Variants in ADK observed in about 807,000 individuals in gnomAD.
ADK encodes N6,N6-dimethyladenosine kinase.
ADK carries 24 observed loss-of-function variants against 44.7 expected under a neutral mutation model. The ratio of observed to expected loss-of-function variants is 0.54; its 90% CI spans 0.39 to 0.76. The LOEUF is 0.76. Among genes scored for constraint, ADK ranks in the 30% least tolerant of loss-of-function variants. The pLI, the probability that ADK is intolerant of heterozygous loss-of-function variation, is 0.00. For synonymous variants in ADK, 128 were observed against 142.6 expected (o/e 0.90, Z 0.73); for missense variants, 321 against 425.1 (o/e 0.76, Z 2.15).
At chr10:74,667,207 T>G (rs901590549) in intron 9 of ADK, among the ~76,000 whole-genome samples, 31 of 152,124 alleles carry the variant, frequency 2.0e-4, no homozygotes, top group African/African-American at 6.3e-4. Flanking sequence ...TAATAAAACA[T>G]AAATATTATT....
chr10:74,267,857 G>A (rs910915458), intron 3 of ADK, among the ~76,000 whole-genome samples: 3 of 150,024 alleles, frequency 2.0e-5, no homozygotes, highest in African/African-American at 7.4e-5. Flanking sequence ...GGCCTCTTTG[G>A]CTTGTTTGGG....
intron 7 of ADK, among the ~76,000 whole-genome samples, 197 bp downstream of exon 7, chr10:74,525,623 C>G (rs190377110): frequency 2.6e-5 from 4 of 152,006 alleles, no homozygotes; most frequent in African/African-American, 9.7e-5. Context: ...ATACTAACTT[C>G]TTTCTTAGTG....
chr10:74,246,411 G>A (rs1374811575), intron 3 of ADK, among the ~76,000 whole-genome samples: 1 of 152,204 alleles, frequency 6.6e-6, no homozygotes, highest in African/African-American at 2.4e-5. Flanking sequence ...TAGAGTGTGT[G>A]TTCTAATGAG....
At chr10:74,432,146 G>T (rs540530922) in intron 6 of ADK, among the ~76,000 whole-genome samples, 1 of 150,990 alleles carries the variant, frequency 6.6e-6, no homozygotes, top group South Asian at 2.1e-4. Context: ...GTGATCCATG[G>T]TTGCACCACT....
intron 4 of ADK, among the ~76,000 whole-genome samples, chr10:74,331,814 A>G (rs1841227855): frequency 6.6e-6 from 1 of 151,816 alleles, no homozygotes; most frequent in South Asian, 2.1e-4. Context: ...ACTTCATATC[A>G]TTTGCTGTAG....
chr10:74,221,758 C>T (rs895143165), intron 2 of ADK, among the ~76,000 whole-genome samples: 1 of 144,986 alleles, frequency 6.9e-6, no homozygotes. Context: ...CTGAGAAAAA[C>T]AAGCAATGGG....
At position 74,274,732 on chromosome 10, in the gene ADK, G is replaced by GTA. The variant is rs754929114; in HGVS notation, c.195-39920_195-39919dup. Among the ~76,000 whole-genome samples, 420 of 84,180 alleles carry GTA rather than the reference G, an allele frequency of 5.0e-3. 25 individuals carry two copies. Among genetic ancestry groups the GTA allele is most frequent in the South Asian group, 0.02 (61 of 3,026 alleles). 55.2% of individuals were successfully genotyped at this position (84,180 alleles called of 152,430 possible). A position where few individuals can be genotyped will look rare whatever the true frequency, so the allele number is the denominator to read the frequency against. ...TAGTAGGAGAAAAATTTTAATGTGT[G>GTA]TATATATATATATATACACACACAC... On this transcript the variant is annotated intron_variant, in intron 3 of 10. Coordinates refer to ENST00000539909, the MANE Select transcript of ADK (RefSeq NM_006721.4).
intron 9 of ADK, among the ~76,000 whole-genome samples, chr10:74,666,868 T>C: frequency 6.6e-6 from 1 of 150,842 alleles, no homozygotes; most frequent in Non-Finnish European, 1.5e-5. Flanking sequence ...AGTCTCACTG[T>C]TGCCCAGGCT....
intron 6 of ADK, among the ~76,000 whole-genome samples, chr10:74,468,172 G>T (rs1846428320): frequency 6.6e-6 from 1 of 152,184 alleles, no homozygotes; most frequent in Non-Finnish European, 1.5e-5. Flanking sequence ...TAGGAAGGTA[G>T]ATAGATGTAT....
intron 6 of ADK, among the ~76,000 whole-genome samples, chr10:74,505,836 T>C (rs920810807): frequency 6.6e-6 from 1 of 152,176 alleles, no homozygotes; most frequent in Non-Finnish European, 1.5e-5. Context: ...ATTAGAGATA[T>C]TGTGTTTGAT....
chr10:74,240,014 C>CTT (rs11285474), intron 3 of ADK, among the ~76,000 whole-genome samples: 3 of 145,256 alleles, frequency 2.1e-5, no homozygotes, highest in African/African-American at 5.0e-5. Flanking sequence ...CTTTGCACAG[C>CTT]TTTTTTTTTT....
intron 7 of ADK, among the ~76,000 whole-genome samples, chr10:74,555,770 G>C (rs978328074): frequency 1.3e-5 from 2 of 152,118 alleles, no homozygotes; most frequent in Non-Finnish European, 2.9e-5. Context: ...CAGTTGCTCT[G>C]GACAGAAAGC....
intron 4 of ADK, among the ~76,000 whole-genome samples, chr10:74,382,314 G>A (rs1348869874): frequency 6.6e-6 from 1 of 152,074 alleles, no homozygotes; most frequent in Non-Finnish European, 1.5e-5. Context: ...GCCTAGGCTG[G>A]TCTCGAACTT....
In ADK at chr10:74,334,542, T is replaced by C. The variant is rs1170767248; in HGVS notation, c.273+19797T>C. 2.0e-5 allele frequency among the ~76,000 whole-genome samples: 3 copies of C among 152,080 alleles called. No homozygotes were observed. In the East Asian group the frequency reaches 5.8e-4, roughly 29 times the overall value. On this transcript the variant is annotated intron_variant, in intron 4 of 10. Transcript: ENST00000539909. The stretch of plus-strand genomic sequence containing the variant: ...AAGTGTTTTTTCTTTGACTGAGGAG[T>C]CTTGTGTCTTCTGCCTGCATCCATG...
intron 6 of ADK, among the ~76,000 whole-genome samples, chr10:74,437,503 C>A (rs904272536): frequency 6.6e-6 from 1 of 152,126 alleles, no homozygotes; most frequent in Non-Finnish European, 1.5e-5. Context: ...CCTAGCCAAA[C>A]CCTAGGAGTC....
chr10:74,700,158 T>A (rs1431844747), intron 10 of ADK, among the ~76,000 whole-genome samples: 3 of 152,200 alleles, frequency 2.0e-5, no homozygotes, highest in Non-Finnish European at 4.4e-5. Context: ...TAGATTAAAC[T>A]ACAGTGTATT....
At chr10:74,485,673 G>A (rs1387469144) in intron 6 of ADK, among the ~76,000 whole-genome samples, 2 of 151,906 alleles carry the variant, frequency 1.3e-5, no homozygotes, top group Non-Finnish European at 2.9e-5. Flanking sequence ...CCCAGAAAAT[G>A]TTATTGCTTT....
chr10:74,290,078 G>GCGCGCACACACA (rs113592873), intron 3 of ADK, among the ~76,000 whole-genome samples: 126 of 149,122 alleles, frequency 8.4e-4, no homozygotes, highest in African/African-American at 2.7e-3. Context: ...CTACTCACGC[G>GCGCGCACACACA]CACACACACA....
At chr10:74,192,098 G>A (rs2132121336) in intron 1 of ADK, among the ~76,000 whole-genome samples, 1 of 152,232 alleles carries the variant, frequency 6.6e-6, no homozygotes, top group East Asian at 1.9e-4. Flanking sequence ...TTAAGTTGTT[G>A]TGTGTGTCAT....
Sources: gnomAD v4.1 joint callset for allele counts (sites outside exome capture counted in the v4.1 genomes callset) on GRCh38, gnomAD v4.1.1 for gene constraint, MANE v1.5 for transcripts, NCBI Gene and HGNC (gene_info 2026-07-23, HGNC 2026-07-21) for gene names.